The following MON1A variants were observed in gnomAD, a reference collection of about 807,000 sequenced individuals.
MON1A encodes MON1 vesicular trafficking associated A.
In MON1A, 29 loss-of-function variants were observed where a neutral mutation model predicts 44.6. That is an observed-to-expected ratio of 0.65 (90% confidence interval 0.48 to 0.89). MON1A has a LOEUF of 0.89. Ranked by LOEUF, MON1A falls within the 40% of genes least tolerant of loss-of-function variation. The probability of loss-of-function intolerance (pLI) is 0.00; values close to 1 mark genes in which losing one functional copy is unlikely to be tolerated. For synonymous variants in MON1A, 275 were observed against 316.4 expected, an observed-to-expected ratio of 0.87 and a Z score of 1.39; for missense variants, 615 against 759.6, an observed-to-expected ratio of 0.81 and a Z score of 2.24.
chr3:49,920,522 T>C (rs2082986853), intron 1 of MON1A: 1 of 152,194 alleles, frequency 6.6e-6, no homozygotes, highest in Admixed American at 6.6e-5. Flanking sequence ...CAAGGTTATA[T>C]GCCTCAAACT....
chr3:49,917,773 G>A (rs141889675), intron 1 of MON1A, among the ~76,000 whole-genome samples: 7 of 151,922 alleles, frequency 4.6e-5, no homozygotes, highest in African/African-American at 1.4e-4. Context: ...CGGGGCGAGT[G>A]TGGTGGCTCA....
intron 1 of MON1A, among the ~76,000 whole-genome samples, chr3:49,917,471 G>T (rs994958526): frequency 6.6e-6 from 1 of 151,750 alleles, no homozygotes; most frequent in East Asian, 2.0e-4. Context: ...TGTATTTTTA[G>T]TAGAGACGGG....
At position 49,929,599 on chromosome 3, in the gene MON1A, G is replaced by C. The variant is rs1462144681; in HGVS notation, c.-14+10C>G. 6.4e-7 allele frequency: 1 copy of C among 1,551,390 alleles called. No individual in the cohort carries two copies. The highest frequency in any genetic ancestry group is 8.7e-7 in the Non-Finnish European group (1 of 1,146,924). On this transcript the variant is annotated intron_variant, in intron 1 of 5. Coordinates refer to ENST00000296473, the MANE Select transcript of MON1A (RefSeq NM_032355.4). Reference sequence around the variant, plus strand: ...TGCCTCCAGGCCACGTGGGCTGGCAGTCAACTCACCTGTTTCTCAGAGGAG... The same window carrying C: ...TGCCTCCAGGCCACGTGGGCTGGCACTCAACTCACCTGTTTCTCAGAGGAG...
intron 1 of MON1A, among the ~76,000 whole-genome samples, chr3:49,915,652 T>C (rs1216775241): frequency 6.6e-6 from 1 of 152,268 alleles, no homozygotes; most frequent in Non-Finnish European, 1.5e-5. Flanking sequence ...GTCTTCAGGC[T>C]GCAGCCCTGC....
chr3:49,922,533 G>A (rs113583633), intron 1 of MON1A, among the ~76,000 whole-genome samples: 3,216 of 135,858 alleles, frequency 0.024, 164 homozygotes, highest in African/African-American at 0.088. Flanking sequence ...GAAGGAAGGA[G>A]GGAGGGAGGG....
chr3:49,908,994 T>C lies in MON1A; in HGVS notation c.*20A>G, dbSNP rs2082842028. On this transcript the variant is annotated 3_prime_UTR_variant, in exon 6 of 6. Transcript: ENST00000296473. ...CCACACCTAGTGTGTCCAGGAAGGC[T>C]GAGCCCGCACACATTCCCATCAATA... 1.2e-6 allele frequency: 2 copies of C among 1,600,102 alleles called. No homozygotes were observed. Among genetic ancestry groups the C allele is most frequent in the African/African-American group, 2.7e-5 (2 of 74,620 alleles).
Position 49,911,857 on chromosome 3 carries a change from A to G in MON1A, c.282T>C (p.Phe94=). ...PTDMRQISQD[F]SELSTQLTGV... ...CCGTCAGCTGGGTGCTTAGCTCGCTAAAGTCCTGGCTGATCTGGCGCATGT... is the reference window on the plus strand; with the variant it reads ...CCGTCAGCTGGGTGCTTAGCTCGCTGAAGTCCTGGCTGATCTGGCGCATGT... Residue 94 remains phenylalanine (F), a synonymous_variant, in exon 3 of 6, where the codon TTT becomes TTC. Coordinates refer to ENST00000296473, the MANE Select transcript of MON1A (RefSeq NM_032355.4). The surrounding 1 kb of genome is among the most constrained non-coding windows in gnomAD (Gnocchi z 5.7). 3.1e-6 allele frequency: 5 copies of G among 1,614,090 alleles called. No individual in the cohort carries two copies. Among genetic ancestry groups the G allele is most frequent in the Non-Finnish European group, 3.4e-6 (4 of 1,180,000 alleles).
chr3:49,921,909 G>T (rs906134563), intron 1 of MON1A, among the ~76,000 whole-genome samples: 1 of 151,866 alleles, frequency 6.6e-6, no homozygotes, highest in Non-Finnish European at 1.5e-5. Flanking sequence ...AGGCCGAGGT[G>T]GGTGGATCAC....
rs527353352 is a variant in MON1A, at chr3:49,923,436, A to G, written c.-14+6173T>C. 5.3e-5 allele frequency among the ~76,000 whole-genome samples: 8 copies of G among 150,370 alleles called. No homozygotes were observed. In the South Asian group the frequency reaches 1.3e-3, roughly 24 times the overall value. ...GAAGAAAGGAAGGAAAGAAAGAAAG[A>G]AAGGAAGGGAAGAACGAAAGAAAGA... On this transcript the variant is annotated intron_variant, in intron 1 of 5. Coordinates refer to ENST00000296473, the MANE Select transcript of MON1A (RefSeq NM_032355.4).
At position 49,911,871 on chromosome 3, in the gene MON1A, T is replaced by C. The variant is rs1400139877; in HGVS notation, c.268A>G (p.Ile90Val). ...CTTAGCTCGCTAAAGTCCTGGCTGA[T>C]CTGGCGCATGTCTGTAGGCAGCGGC... ...PPPLPTDMRQ[I>V]SQDFSELSTQ... is the part of the protein sequence containing the mutation. The change falls in exon 3 of 6, where the codon ATC becomes GTC. Residue 90 changes from isoleucine (I) to valine (V), a missense_variant. Coordinates refer to ENST00000296473, the MANE Select transcript of MON1A (RefSeq NM_032355.4). This position sits in a 1 kb window ranked among gnomAD's most constrained non-coding sequence, Gnocchi z 5.7. 6.2e-7 allele frequency: 1 copy of C among 1,614,132 alleles called. No individual in the cohort carries two copies. Among genetic ancestry groups the C allele is most frequent in the Admixed American group, 1.7e-5 (1 of 60,028 alleles).
intron 1 of MON1A, among the ~76,000 whole-genome samples, chr3:49,926,661 T>C (rs541908066): frequency 6.9e-4 from 105 of 152,108 alleles, no homozygotes; most frequent in Non-Finnish European, 1.4e-3. Flanking sequence ...GGGGTCTCAG[T>C]ATGTTGTCCA....
chr3:49,919,717 G>A (rs2082979761), intron 1 of MON1A, among the ~76,000 whole-genome samples: 1 of 152,098 alleles, frequency 6.6e-6, no homozygotes, highest in Non-Finnish European at 1.5e-5. Flanking sequence ...CCTGACCTCA[G>A]GTGATCCGCC....
Position 49,909,957 on chromosome 3 carries a change from G to T in MON1A, c.1379+162C>A. 1.3e-6 allele frequency: 1 copy of T among 766,592 alleles called. No individual in the cohort carries two copies. The highest frequency in any genetic ancestry group is 2.2e-6 in the Non-Finnish European group (1 of 461,734). The allele number at this position is 766,592 out of a possible 1,614,324, so 47.5% of individuals were successfully genotyped here. A position where few individuals can be genotyped will look rare whatever the true frequency, so the allele number is the denominator to read the frequency against. On this transcript the variant is annotated intron_variant, in intron 4 of 5. Coordinates refer to ENST00000296473, the MANE Select transcript of MON1A (RefSeq NM_032355.4). The surrounding 1 kb of genome is among the most constrained non-coding windows in gnomAD (Gnocchi z 4.0). ...GGGTATGCTCATGGGGTGATGGAGAGTCTGGGTCTCTGGTGCCAGAGTAAA... is the reference window on the plus strand; with the variant it reads ...GGGTATGCTCATGGGGTGATGGAGATTCTGGGTCTCTGGTGCCAGAGTAAA...
At chr3:49,924,574 G>T in intron 1 of MON1A, 1 of 265,780 alleles carries the variant, frequency 3.8e-6, no homozygotes, top group Middle Eastern at 6.0e-4. Flanking sequence ...AACTGCTTGG[G>T]AGGCTAAGGT....
At chr3:49,928,034 C>T (rs779897800) in intron 1 of MON1A, among the ~76,000 whole-genome samples, 2 of 152,232 alleles carry the variant, frequency 1.3e-5, no homozygotes, top group African/African-American at 2.4e-5. Context: ...TCAGGGCCCA[C>T]TCTCCACTGA....
chr3:49,929,127 C>T (rs2083073775), intron 1 of MON1A, among the ~76,000 whole-genome samples: 1 of 152,204 alleles, frequency 6.6e-6, no homozygotes, highest in African/African-American at 2.4e-5. Context: ...GAGGCTGAGG[C>T]AGGAGAATCG....
At chr3:49,924,581 AGGTATGAGAATCACTTGAACCCG>A (rs2083033359) in intron 1 of MON1A, 1 of 245,072 alleles carries the variant, frequency 4.1e-6, no homozygotes, top group African/African-American at 2.3e-5. Context: ...TGGGAGGCTA[AGGTATGAGAATCACTTGAACCCG>A]GGGGGAGGCA....
intron 1 of MON1A, among the ~76,000 whole-genome samples, chr3:49,921,450 G>A (rs866943807): frequency 1.4e-5 from 2 of 145,452 alleles, no homozygotes; most frequent in Non-Finnish European, 3.0e-5. Context: ...GAGCCACCAC[G>A]CCTGGCTGGT....
At position 49,929,736 on chromosome 3, in the gene MON1A, T is replaced by G; in HGVS notation, c.-141A>C. 1 of 1,549,962 alleles carries G rather than the reference T, an allele frequency of 6.5e-7. No individual in the cohort carries two copies. The highest frequency in any genetic ancestry group is 8.7e-7 in the Non-Finnish European group (1 of 1,146,678). On this transcript the variant is annotated 5_prime_UTR_variant, in exon 1 of 6. Transcript: ENST00000296473. ...ACAGCTTCGCGGGGCCCCGGCCCCC[T>G]GCGTACACAGACATGGCCACAGCGC...
Sources: allele counts gnomAD v4.1 joint callset (sites outside exome capture counted in the v4.1 genomes callset), GRCh38; gene constraint gnomAD v4.1.1; non-coding constraint Gnocchi (gnomAD v3.1); transcripts MANE v1.5; gene names NCBI Gene and HGNC (gene_info 2026-07-23, HGNC 2026-07-21).